Variants in LUZP2 observed in about 807,000 individuals in gnomAD.
LUZP2 encodes leucine zipper protein 2.
Under a neutral mutation model 51.6 loss-of-function variants are expected in LUZP2, and 52 were observed. The observed-to-expected ratio is 1.01, with a 90% CI of 0.81 to 1.27. The LOEUF is 1.27. Ranked by LOEUF, LUZP2 falls within the 50% of genes most tolerant of loss-of-function variation. LUZP2 has a pLI of 0.00. For missense variants in LUZP2, 436 were observed against 395.4 expected (o/e 1.10, Z -0.87); for synonymous variants, 154 against 137.3 (o/e 1.12, Z -0.85).
chr11:24,931,094 C>T (rs1193421791), intron 7 of LUZP2, among the ~76,000 whole-genome samples: 1 of 151,782 alleles, frequency 6.6e-6, no homozygotes, highest in Non-Finnish European at 1.5e-5. Flanking sequence ...GCCTGTAATC[C>T]CACCTACTCG....
chr11:24,509,529 G>A (rs1440093605), intron 1 of LUZP2, among the ~76,000 whole-genome samples: 2 of 148,256 alleles, frequency 1.3e-5, no homozygotes, highest in African/African-American at 2.5e-5. Context: ...TATGTATTAT[G>A]TAGTATATAT....
chr11:25,007,147 C>T (rs11028336), intron 9 of LUZP2, among the ~76,000 whole-genome samples: 57,828 of 152,016 alleles, frequency 0.38, 13,365 homozygotes, highest in East Asian at 0.78. Flanking sequence ...ACACAGAGCA[C>T]TGATTGGTGC....
At chr11:25,047,668 T>G (rs1339300452) in intron 9 of LUZP2, among the ~76,000 whole-genome samples, 1 of 152,188 alleles carries the variant, frequency 6.6e-6, no homozygotes, top group Non-Finnish European at 1.5e-5. Context: ...TCAGTTCAGC[T>G]GTTGTTGCCA....
intron 9 of LUZP2, among the ~76,000 whole-genome samples, chr11:25,026,988 C>T (rs1048098557): frequency 6.6e-6 from 1 of 151,418 alleles, no homozygotes; most frequent in East Asian, 1.9e-4. Context: ...TAAACATTTG[C>T]CTGTGTTCTT....
At chr11:25,033,275 C>T (rs1857748963) in intron 9 of LUZP2, among the ~76,000 whole-genome samples, 2 of 152,072 alleles carry the variant, frequency 1.3e-5, no homozygotes, top group African/African-American at 4.8e-5. Context: ...ACCAGATTTT[C>T]TTTTTTAGAA....
chr11:24,497,606 A>T (rs1282235954), intron 1 of LUZP2, among the ~76,000 whole-genome samples: 1 of 152,240 alleles, frequency 6.6e-6, no homozygotes. Flanking sequence ...AAAAGGTAAC[A>T]CGCGGTAAAA....
intron 9 of LUZP2, among the ~76,000 whole-genome samples, chr11:25,018,043 T>TTTTGG (rs1554955726): frequency 3.3e-5 from 1 of 30,740 alleles, no homozygotes; most frequent in African/African-American, 7.5e-5. Flanking sequence ...TTCTGTTTTT[T>TTTTGG]TTTTGTTTTT....
At chr11:25,014,982 C>T (rs980212401) in intron 9 of LUZP2, among the ~76,000 whole-genome samples, 11 of 152,112 alleles carry the variant, frequency 7.2e-5, no homozygotes, top group African/African-American at 2.2e-4. Context: ...TAGCCAGTTT[C>T]CCCAGCACCC....
chr11:25,064,542 T>C (rs1163364859), intron 10 of LUZP2, among the ~76,000 whole-genome samples: 1 of 152,114 alleles, frequency 6.6e-6, no homozygotes, highest in African/African-American at 2.4e-5. Context: ...ACTTAACTTG[T>C]GAAACTTGAA....
chr11:24,807,426 A>G (rs889762840), intron 5 of LUZP2, among the ~76,000 whole-genome samples: 15 of 150,092 alleles, frequency 1.0e-4, no homozygotes, highest in South Asian at 4.2e-4. Flanking sequence ...ACACCATTGC[A>G]CTCCAGCCTG....
At chr11:24,529,557 T>A (rs1482067650) in intron 1 of LUZP2, among the ~76,000 whole-genome samples, 1 of 151,082 alleles carries the variant, frequency 6.6e-6, no homozygotes, top group Non-Finnish European at 1.5e-5. Context: ...TTCAAACAAA[T>A]GCTAATGTGT....
intron 9 of LUZP2, among the ~76,000 whole-genome samples, chr11:25,035,460 C>A (rs192473320): frequency 8.6e-5 from 13 of 151,864 alleles, no homozygotes. Context: ...AATGAAATAC[C>A]AAGGAATACA....
At chr11:24,827,326 C>T (rs143011756) in intron 5 of LUZP2, among the ~76,000 whole-genome samples, 1 of 152,076 alleles carries the variant, frequency 6.6e-6, no homozygotes, top group Non-Finnish European at 1.5e-5. Flanking sequence ...AGATAACTTA[C>T]AATATCTTTT....
At chr11:24,628,297 T>C (rs1480380320) in intron 1 of LUZP2, among the ~76,000 whole-genome samples, 2 of 152,150 alleles carry the variant, frequency 1.3e-5, no homozygotes, top group Non-Finnish European at 2.9e-5. Flanking sequence ...TGCTGGTCTT[T>C]GATCATTATG....
At chr11:24,577,850 A>T (rs1471361561) in intron 1 of LUZP2, among the ~76,000 whole-genome samples, 3 of 152,158 alleles carry the variant, frequency 2.0e-5, no homozygotes, top group Non-Finnish European at 2.9e-5. Context: ...AGCGTATCAG[A>T]AATTGCAGTT....
chr11:24,773,669 C>T (rs1207715506), intron 5 of LUZP2, among the ~76,000 whole-genome samples: 1 of 152,210 alleles, frequency 6.6e-6, no homozygotes, highest in African/African-American at 2.4e-5. Context: ...TTAGGGTGCA[C>T]ATGTTCTGTG....
intron 8 of LUZP2, among the ~76,000 whole-genome samples, chr11:24,980,582 T>A (rs1234598410): frequency 1.3e-5 from 2 of 151,662 alleles, no homozygotes; most frequent in Non-Finnish European, 2.9e-5. Flanking sequence ...ACAGATAGGA[T>A]ACCAGCCTTC....
chr11:24,798,232 T>C (rs1037504616), intron 5 of LUZP2, among the ~76,000 whole-genome samples: 1 of 152,058 alleles, frequency 6.6e-6, no homozygotes, highest in African/African-American at 2.4e-5. Flanking sequence ...TATTTATCTA[T>C]TGGAAGATGG....
intron 1 of LUZP2, among the ~76,000 whole-genome samples, chr11:24,631,154 A>G (rs954118108): frequency 1.4e-4 from 21 of 151,598 alleles, no homozygotes; most frequent in African/African-American, 4.4e-4. Flanking sequence ...TGATAATTTG[A>G]CTTTCTCTTC....
Sources: gnomAD v4.1 joint callset for allele counts (sites outside exome capture counted in the v4.1 genomes callset) on GRCh38, gnomAD v4.1.1 for gene constraint, MANE v1.5 for transcripts, NCBI Gene and HGNC (gene_info 2026-07-23, HGNC 2026-07-21) for gene names.